HTR2A: variants seen among roughly 807,000 people sequenced by gnomAD.
HTR2A encodes 5-hydroxytryptamine receptor 2A, also known as 5-HT2 receptor.
HTR2A carries 14 observed loss-of-function variants against 31.0 expected under a neutral mutation model. That is an observed-to-expected ratio of 0.45 (90% CI 0.30 to 0.71). HTR2A has a LOEUF of 0.71. HTR2A is among the 30% of genes least tolerant of loss of function. The probability of loss-of-function intolerance (pLI) is 0.09; values close to 1 mark genes in which losing one functional copy is unlikely to be tolerated. For missense variants in HTR2A, 442 were observed against 573.3 expected, an observed-to-expected ratio of 0.77 and a Z score of 2.34; for synonymous variants, 209 against 225.2, an observed-to-expected ratio of 0.93 and a Z score of 0.64.
At chr13:46,884,534 C>T (rs547386037) in intron 3 of HTR2A, among the ~76,000 whole-genome samples, 2 of 152,186 alleles carry the variant, frequency 1.3e-5, no homozygotes, top group Admixed American at 1.3e-4. Flanking sequence ...AGTGGTGGTG[C>T]ATACCTGTAG....
chr13:46,877,833 T>C (rs1018592477), intron 3 of HTR2A, among the ~76,000 whole-genome samples: 2 of 151,822 alleles, frequency 1.3e-5, no homozygotes, highest in Non-Finnish European at 2.9e-5. Context: ...GCCAAAATCA[T>C]AGGAAAGTAG....
intron 3 of HTR2A, among the ~76,000 whole-genome samples, chr13:46,877,158 T>C (rs1950920557): frequency 6.6e-6 from 1 of 152,180 alleles, no homozygotes; most frequent in South Asian, 2.1e-4. Flanking sequence ...CCCTTTCTTA[T>C]ATATATTTTC....
rs568058937 is a variant in HTR2A at position 46,861,382 on chromosome 13, A to G, written c.614-25743T>C. Among the ~76,000 whole-genome samples the G allele has an allele frequency of 1.5e-4, 23 of 152,306 alleles. 1 individual carries two copies. The South Asian group carries it at 4.8e-3, about 32-fold the overall frequency. On this transcript the variant is annotated intron_variant, in intron 3 of 3. Coordinates refer to ENST00000542664, the MANE Select transcript of HTR2A (RefSeq NM_000621.5). ...TTTTACTTCCCTTATCCTCAGAGCC[A>G]TTATTAATTTCCATTACCTTCAGAC...
In HTR2A at chr13:46,833,180, T is replaced by C. The variant is rs1366762028; in HGVS notation, c.*1657A>G. The C allele has an allele frequency of 6.6e-6, 1 of 152,130 alleles. No individual in the cohort carries two copies. Among genetic ancestry groups the C allele is most frequent in the African/African-American group, 2.4e-5 (1 of 41,428 alleles). The allele number at this position is 152,130 out of a possible 1,614,324, so 9.4% of individuals were successfully genotyped here. ...TAAGCCTCAAGTGATATTTTCCCCC[T>C]CCTTTATTTGTTTGGTGTTTATTGG... On this transcript the variant is annotated 3_prime_UTR_variant, in exon 4 of 4. Coordinates refer to ENST00000542664, the MANE Select transcript of HTR2A (RefSeq NM_000621.5).
intron 3 of HTR2A, among the ~76,000 whole-genome samples, chr13:46,889,339 A>G (rs1951032595): frequency 6.6e-6 from 1 of 152,200 alleles, no homozygotes; most frequent in Admixed American, 6.5e-5. Context: ...TGTAAATGCA[A>G]TAACTATAGA....
intron 3 of HTR2A, among the ~76,000 whole-genome samples, chr13:46,883,209 A>C (rs1446975312): frequency 1.3e-5 from 2 of 152,286 alleles, no homozygotes; most frequent in South Asian, 2.1e-4. Flanking sequence ...AAACATCTGC[A>C]CTGTCTAGGA....
intron 3 of HTR2A, among the ~76,000 whole-genome samples, chr13:46,888,482 AG>A (rs1314812586): frequency 6.6e-6 from 1 of 150,786 alleles, no homozygotes; most frequent in African/African-American, 2.4e-5. Flanking sequence ...AAAAAAAAAA[AG>A]ATGACTGTCA....
chr13:46,849,968 A>G (rs1326439634), intron 3 of HTR2A, among the ~76,000 whole-genome samples: 1 of 152,230 alleles, frequency 6.6e-6, no homozygotes, highest in African/African-American at 2.4e-5. Flanking sequence ...CTTTGGGAAC[A>G]CATACAACAT....
chr13:46,839,510 G>T (rs2138187005), intron 3 of HTR2A, among the ~76,000 whole-genome samples: 1 of 152,290 alleles, frequency 6.6e-6, no homozygotes, highest in African/African-American at 2.4e-5. Flanking sequence ...TGGCTGCTTT[G>T]TTTGACAATA....
At chr13:46,849,349 C>G (rs1183553095) in intron 3 of HTR2A, among the ~76,000 whole-genome samples, 2 of 152,198 alleles carry the variant, frequency 1.3e-5, no homozygotes, top group Admixed American at 1.3e-4. Context: ...CCTGAATTAC[C>G]ACAAGACCTT....
intron 3 of HTR2A, among the ~76,000 whole-genome samples, chr13:46,867,329 C>T (rs567922679): frequency 2.1e-4 from 32 of 152,276 alleles, no homozygotes; most frequent in African/African-American, 7.2e-4. Flanking sequence ...TAAAGGCTGA[C>T]GCTGACTGAT....
At chr13:46,861,325 C>G (rs17069045) in intron 3 of HTR2A, among the ~76,000 whole-genome samples, 1,609 of 152,212 alleles carry the variant, frequency 0.011, 33 homozygotes, top group African/African-American at 0.037. Context: ...TGGTTAGCAG[C>G]TTTCTTCTCA....
At chr13:46,888,573 A>G (rs1480741509) in intron 3 of HTR2A, among the ~76,000 whole-genome samples, 1 of 152,006 alleles carries the variant, frequency 6.6e-6, no homozygotes, top group African/African-American at 2.4e-5. Context: ...AAACAGAACA[A>G]ACGACATGAT....
intron 3 of HTR2A, among the ~76,000 whole-genome samples, chr13:46,855,659 C>A (rs1950730330): frequency 6.6e-6 from 1 of 152,090 alleles, no homozygotes; most frequent in African/African-American, 2.4e-5. Context: ...GTGGGATGGC[C>A]AGCAGGGCAG....
intron 2 of HTR2A, among the ~76,000 whole-genome samples, chr13:46,894,665 A>T (rs1311719275): frequency 6.6e-6 from 1 of 152,214 alleles, no homozygotes; most frequent in Non-Finnish European, 1.5e-5. Context: ...CTGTGTCAGC[A>T]GTCACAATAG....
chr13:46,850,215 T>C (rs1217320196), intron 3 of HTR2A, among the ~76,000 whole-genome samples: 1 of 152,164 alleles, frequency 6.6e-6, no homozygotes, highest in African/African-American at 2.4e-5. Context: ...ATGCTAACAG[T>C]GCATCAGGGA....
In HTR2A at chr13:46,895,877, A is replaced by G. The variant is rs781542336; in HGVS notation, c.30T>C (p.Ser10=). The change falls in exon 2 of 4, where the codon TCT becomes TCC. Residue 10 remains serine, a synonymous_variant. Transcript: ENST00000542664. The surrounding 1 kb of genome is among the most constrained non-coding windows in gnomAD (Gnocchi z 4.4). The stretch of plus-strand genomic sequence containing the variant: ...TTAGGGAGTTCGTAGTTGAGCTCAA[A>G]GAAGTATTTTCTTCACAAAGAATAT... The part of the protein sequence containing the change: MDILCEENT[S]LSSTTNSLMQ... 1.6e-5 allele frequency: 26 copies of G among 1,612,224 alleles called. No individual in the cohort carries two copies. In the Admixed American group the frequency reaches 4.3e-4, roughly 27 times the overall value.
At chr13:46,884,467 A>T (rs2138244769) in intron 3 of HTR2A, among the ~76,000 whole-genome samples, 1 of 152,352 alleles carries the variant, frequency 6.6e-6, no homozygotes, top group South Asian at 2.1e-4. Context: ...CATCAAGACC[A>T]TCCTGGCTAA....
At position 46,896,867 on chromosome 13, in the gene HTR2A, T is replaced by A; in HGVS notation, c.-522A>T. On this transcript the variant is annotated 5_prime_UTR_variant, in exon 1 of 4. Transcript: ENST00000542664. ...TGAGCCAGCTCCCGCACTGCTAGGA[T>A]CCTGTTGGCTTCCTCTGGCACGGCT... 4 of 1,531,892 alleles carry A rather than the reference T, an allele frequency of 2.6e-6. No homozygotes were observed. The highest frequency in any genetic ancestry group is 3.5e-6 in the Non-Finnish European group (4 of 1,144,280). The allele number at this position is 1,531,892 out of a possible 1,614,324, so 94.9% of individuals were successfully genotyped here. A position where few individuals can be genotyped will look rare whatever the true frequency, so the allele number is the denominator to read the frequency against.
Sources: gnomAD v4.1 joint callset for allele counts (sites outside exome capture counted in the v4.1 genomes callset) on GRCh38, gnomAD v4.1.1 for gene constraint, Gnocchi (gnomAD v3.1) non-coding constraint, MANE v1.5 for transcripts, NCBI Gene and HGNC (gene_info 2026-07-23, HGNC 2026-07-21) for gene names.